The following WASF2 variants were observed in gnomAD, a reference collection of about 807,000 sequenced individuals.
WASF2 encodes the protein actin-binding protein WASF2.
In WASF2, 14 loss-of-function variants were observed where a neutral mutation model predicts 45.0. That is an observed-to-expected ratio of 0.31 (90% confidence interval 0.21 to 0.49). WASF2 has a LOEUF of 0.49. Ranked by LOEUF, WASF2 falls within the 20% of genes least tolerant of loss-of-function variation. WASF2 has a pLI of 0.99. For synonymous variants in WASF2, 200 were observed against 236.3 expected, an observed-to-expected ratio of 0.85 and a Z score of 1.41; for missense variants, 439 against 636.1, an observed-to-expected ratio of 0.69 and a Z score of 3.33.
Position 27,422,719 on chromosome 1 carries a change from C to A in WASF2, c.131-3631G>T, listed in dbSNP as rs2016926469. Among the ~76,000 whole-genome samples, 4 of 151,920 alleles carry A rather than the reference C, an allele frequency of 2.6e-5. No homozygotes were observed. In the South Asian group the frequency reaches 8.3e-4, roughly 32 times the overall value. ...CACAATCTCCCAGCCTTAGTTTCCT[C>A]ATCTGTAAAGTGGGGATAATATCTA... On this transcript the variant is annotated intron_variant, in intron 2 of 8. Coordinates refer to ENST00000618852, the MANE Select transcript of WASF2 (RefSeq NM_006990.5).
intron 1 of WASF2, among the ~76,000 whole-genome samples, chr1:27,484,027 TAC>T (rs1485628483): frequency 6.6e-6 from 1 of 152,138 alleles, no homozygotes; most frequent in Non-Finnish European, 1.5e-5. Flanking sequence ...CAACTCTTGA[TAC>T]AGTTTCTTAT....
chr1:27,451,065 A>G (rs1378712992), intron 1 of WASF2, among the ~76,000 whole-genome samples: 2 of 152,028 alleles, frequency 1.3e-5, no homozygotes, highest in Admixed American at 6.5e-5. Context: ...AAAAAAAAGC[A>G]TACATATATA....
At chr1:27,453,905 A>G (rs2017420518) in intron 1 of WASF2, among the ~76,000 whole-genome samples, 1 of 151,814 alleles carries the variant, frequency 6.6e-6, no homozygotes, top group Non-Finnish European at 1.5e-5. Flanking sequence ...ACAAAAAAGA[A>G]TATTACTATT....
intron 1 of WASF2, among the ~76,000 whole-genome samples, chr1:27,455,206 T>C (rs1356787685): frequency 1.3e-5 from 2 of 152,122 alleles, no homozygotes; most frequent in Non-Finnish European, 2.9e-5. Context: ...CTCCGATTAC[T>C]GATGAGGCTG....
chr1:27,487,706 A>ATATATAATGTATATCATTATAT (rs1223674622), intron 1 of WASF2, among the ~76,000 whole-genome samples: 16 of 116,390 alleles, frequency 1.4e-4, no homozygotes, highest in Admixed American at 1.1e-3. Context: ...ATTTTATACA[A>ATATATAATGTATATCATTATAT]TATATAATGT....
chr1:27,461,222 C>G (rs1167368097), intron 1 of WASF2, among the ~76,000 whole-genome samples: 1 of 152,064 alleles, frequency 6.6e-6, no homozygotes, highest in Non-Finnish European at 1.5e-5. Flanking sequence ...AGAAAAGTTG[C>G]AAGAATATTA....
chr1:27,465,832 A>T (rs2017605498), intron 1 of WASF2, among the ~76,000 whole-genome samples: 1 of 152,210 alleles, frequency 6.6e-6, no homozygotes. Context: ...AGCTTAGGGG[A>T]AAGGGCAGAA....
At chr1:27,423,428 C>T (rs1470545284) in intron 2 of WASF2, among the ~76,000 whole-genome samples, 3 of 152,142 alleles carry the variant, frequency 2.0e-5, no homozygotes, top group Non-Finnish European at 4.4e-5. Flanking sequence ...TCAAGTGATC[C>T]GCCTTGGCCT....
At chr1:27,430,790 A>C (rs1265764477) in intron 1 of WASF2, among the ~76,000 whole-genome samples, 2 of 151,758 alleles carry the variant, frequency 1.3e-5, no homozygotes, top group Admixed American at 6.6e-5. Context: ...CCCCAATATT[A>C]TAAACTCCTC....
At chr1:27,448,215 C>T (rs2148123332) in intron 1 of WASF2, among the ~76,000 whole-genome samples, 1 of 152,356 alleles carries the variant, frequency 6.6e-6, no homozygotes, top group Non-Finnish European at 1.5e-5. Flanking sequence ...AAGTTCCTTT[C>T]CTATTCTCCA....
rs1244801848 is a variant in WASF2 at position 27,414,053 on chromosome 1, AC to A, written c.668+779del. Among the ~76,000 whole-genome samples, 2 of 152,294 alleles carry A rather than the reference AC, an allele frequency of 1.3e-5. No individual in the cohort carries two copies. The highest frequency in any genetic ancestry group is 2.1e-4 in the South Asian group (1 of 4,824). On this transcript the variant is annotated intron_variant, in intron 6 of 8. Transcript: ENST00000618852. This position sits in a 1 kb window ranked among gnomAD's most constrained non-coding sequence, Gnocchi z 4.1. ...CTCTTTCCTTTTATCATTCCTAGAC[AC>A]CCAGCATGGGCTGGCATGGTTCTCT... is the stretch of plus-strand genomic sequence containing the variant.
chr1:27,412,900 T>G (rs958060900), intron 6 of WASF2, among the ~76,000 whole-genome samples, 173 bp from the exon 7 acceptor site: 1 of 152,248 alleles, frequency 6.6e-6, no homozygotes, highest in African/African-American at 2.4e-5. Flanking sequence ...AGACTAAATA[T>G]TCTATTGTCA....
intron 1 of WASF2, among the ~76,000 whole-genome samples, chr1:27,430,649 G>GA: frequency 6.6e-6 from 1 of 151,870 alleles, no homozygotes; most frequent in East Asian, 1.9e-4. Flanking sequence ...CAGCCTTTTT[G>GA]TTTTTTTGAG....
At chr1:27,488,486 C>T (rs1414252259) in intron 1 of WASF2, among the ~76,000 whole-genome samples, 2 of 152,206 alleles carry the variant, frequency 1.3e-5, no homozygotes, top group Non-Finnish European at 2.9e-5. Context: ...AGCGAATGGG[C>T]TGGCACCACT....
chr1:27,433,186 C>A (rs777346883), intron 1 of WASF2, among the ~76,000 whole-genome samples: 1 of 152,116 alleles, frequency 6.6e-6, no homozygotes, highest in African/African-American at 2.4e-5. Flanking sequence ...CAGGTTTTTC[C>A]TGGAGGCTGC....
At chr1:27,470,664 G>A (rs564946182) in intron 1 of WASF2, among the ~76,000 whole-genome samples, 1 of 150,204 alleles carries the variant, frequency 6.7e-6, no homozygotes, top group Admixed American at 6.6e-5. Context: ...AGGGGATTTG[G>A]GGGGCTGGGG....
chr1:27,410,213 G>T lies in WASF2; in HGVS notation c.825-7C>A, dbSNP rs768063034. 6.2e-7 allele frequency: 1 copy of T among 1,613,786 alleles called. No individual in the cohort carries two copies. The highest frequency in any genetic ancestry group is 1.1e-5 in the South Asian group (1 of 91,034). On this transcript the variant is annotated splice_polypyrimidine_tract_variant and splice_region_variant and intron_variant, in intron 7 of 8. Coordinates refer to ENST00000618852, the MANE Select transcript of WASF2 (RefSeq NM_006990.5). The surrounding 1 kb of genome is among the most constrained non-coding windows in gnomAD (Gnocchi z 4.2). ...TTGGTTGTCCACTGGGTAACTAAAA[G>T]GCCAAAGAAAAAAAGACTCACCATC...
chr1:27,477,074 C>T (rs1324774433), intron 1 of WASF2, among the ~76,000 whole-genome samples: 1 of 152,104 alleles, frequency 6.6e-6, no homozygotes, highest in Admixed American at 6.6e-5. Context: ...TTTGGAAACA[C>T]AGAACATATT....
chr1:27,452,057 GC>G (rs1261443821), intron 1 of WASF2, among the ~76,000 whole-genome samples: 1 of 152,128 alleles, frequency 6.6e-6, no homozygotes, highest in Non-Finnish European at 1.5e-5. Flanking sequence ...ACTGGATAAG[GC>G]AGGAGACCAC....
Sources: allele counts gnomAD v4.1 joint callset (sites outside exome capture counted in the v4.1 genomes callset), GRCh38; gene constraint gnomAD v4.1.1; non-coding constraint Gnocchi (gnomAD v3.1); transcripts MANE v1.5; gene names NCBI Gene and HGNC (gene_info 2026-07-23, HGNC 2026-07-21).